The following ARFGEF3 variants were observed in gnomAD, a reference collection of about 807,000 sequenced individuals.
ARFGEF3 encodes the protein ARFGEF family member 3, also known as brefeldin A-inhibited guanine nucleotide-exchange protein 3.
ARFGEF3 carries 96 observed loss-of-function variants against 221.7 expected under a neutral mutation model. The ratio of observed to expected loss-of-function variants is 0.43; its 90% CI spans 0.37 to 0.51. The LOEUF is 0.51. ARFGEF3 is among the 20% of genes least tolerant of loss of function. The pLI, the probability that ARFGEF3 is intolerant of heterozygous loss-of-function variation, is 0.00. For missense variants in ARFGEF3, 2,410 were observed against 2,789.9 expected (o/e 0.86, Z 3.07); for synonymous variants, 1,145 against 1,126.8 (o/e 1.02, Z -0.32).
rs1048736089 is a variant in ARFGEF3 at position 138,172,945 on chromosome 6, G to A, written c.137+2232G>A. Among the ~76,000 whole-genome samples, 3 of 152,092 alleles carry A rather than the reference G, an allele frequency of 2.0e-5. No individual in the cohort carries two copies. In the East Asian group the frequency reaches 5.8e-4, roughly 29 times the overall value. ...ATTGCTTACAATTGAACATTTTAAAGCCTTATGGTTACAGGAAATATTTTA... is the reference window on the plus strand; with the variant it reads ...ATTGCTTACAATTGAACATTTTAAAACCTTATGGTTACAGGAAATATTTTA... On this transcript the variant is annotated intron_variant, in intron 2 of 33. Coordinates refer to ENST00000251691, the MANE Select transcript of ARFGEF3 (RefSeq NM_020340.5).
intron 14 of ARFGEF3, among the ~76,000 whole-genome samples, chr6:138,281,830 A>G (rs1435713164): frequency 6.6e-6 from 1 of 152,236 alleles, no homozygotes; most frequent in East Asian, 1.9e-4. Flanking sequence ...CATAATGCCA[A>G]AGATTGGGGA....
intron 5 of ARFGEF3, among the ~76,000 whole-genome samples, chr6:138,236,652 A>G (rs956106814): frequency 6.6e-6 from 1 of 152,252 alleles, no homozygotes; most frequent in South Asian, 2.1e-4. Context: ...TTTTTTGTAG[A>G]GATGGGGTTT....
chr6:138,292,182 A>C, intron 19 of ARFGEF3, 129 bp downstream of exon 19: 1 of 812,342 alleles, frequency 1.2e-6, no homozygotes, highest in Non-Finnish European at 1.7e-6. Flanking sequence ...CATCTTTTTC[A>C]AGCTTAGTTC....
chr6:138,310,805 T>C (rs985020980), intron 24 of ARFGEF3, among the ~76,000 whole-genome samples: 2 of 152,242 alleles, frequency 1.3e-5, no homozygotes, highest in Non-Finnish European at 2.9e-5. Flanking sequence ...TCTAGATATG[T>C]ACAAAAAATA....
intron 2 of ARFGEF3, among the ~76,000 whole-genome samples, chr6:138,194,989 ATTTTTTT>A (rs747099029): frequency 2.0e-4 from 17 of 84,114 alleles, no homozygotes; most frequent in East Asian, 7.7e-4. Context: ...CTTTTCCCTA[ATTTTTTT>A]TTTTTTTTTT....
intron 25 of ARFGEF3, among the ~76,000 whole-genome samples, chr6:138,312,422 C>T (rs994829090): frequency 6.6e-6 from 1 of 152,126 alleles, no homozygotes; most frequent in African/African-American, 2.4e-5. Flanking sequence ...GCGGCCCTGG[C>T]TTCTCCATCC....
chr6:138,168,538 G>A (rs942789383), intron 1 of ARFGEF3, among the ~76,000 whole-genome samples: 2 of 152,204 alleles, frequency 1.3e-5, no homozygotes, highest in Non-Finnish European at 2.9e-5. Flanking sequence ...GGGTCTCTCA[G>A]GATACTGTGT....
chr6:138,329,126 C>A (rs775428884), intron 32 of ARFGEF3, among the ~76,000 whole-genome samples: 11 of 152,186 alleles, frequency 7.2e-5, no homozygotes, highest in Non-Finnish European at 1.5e-4. Context: ...AGAAACTTGC[C>A]CTTTTTAAAC....
chr6:138,247,696 C>G (rs1424525996), intron 8 of ARFGEF3, among the ~76,000 whole-genome samples: 1 of 152,156 alleles, frequency 6.6e-6, no homozygotes, highest in Admixed American at 6.5e-5. Context: ...TCTGAACCAC[C>G]CTAAGTCTGT....
In ARFGEF3 at chr6:138,239,468, C is replaced by T. The variant is rs779375237; in HGVS notation, c.543+837C>T. ...TTTGAGACCAGCCTGGCCAACATAGCGAAACCCCGTCTCTATTAAAAATCC... is the reference window on the plus strand; with the variant it reads ...TTTGAGACCAGCCTGGCCAACATAGTGAAACCCCGTCTCTATTAAAAATCC... On this transcript the variant is annotated intron_variant, in intron 6 of 33. Coordinates refer to ENST00000251691, the MANE Select transcript of ARFGEF3 (RefSeq NM_020340.5). Among the ~76,000 whole-genome samples, 25 of 151,820 alleles carry T rather than the reference C, an allele frequency of 1.6e-4. 1 individual carries two copies. Among genetic ancestry groups the T allele is most frequent in the South Asian group, 4.2e-4 (2 of 4,812 alleles).
intron 10 of ARFGEF3, among the ~76,000 whole-genome samples, chr6:138,257,602 A>T (rs1277469272): frequency 6.6e-6 from 1 of 152,194 alleles, no homozygotes; most frequent in Admixed American, 6.5e-5. Flanking sequence ...ACCCTGGTCC[A>T]GCTGACCCTA....
chr6:138,190,111 A>G (rs939503573), intron 2 of ARFGEF3, among the ~76,000 whole-genome samples: 6 of 139,378 alleles, frequency 4.3e-5, no homozygotes, highest in African/African-American at 1.3e-4. Flanking sequence ...ATAAAAATAA[A>G]AAGAGTAGCA....
chr6:138,215,397 CT>C (rs960919504), intron 4 of ARFGEF3, among the ~76,000 whole-genome samples: 4 of 152,036 alleles, frequency 2.6e-5, no homozygotes, highest in African/African-American at 9.7e-5. Flanking sequence ...TACTGGGTGT[CT>C]TTTTTATGTG....
chr6:138,208,384 A>C (rs182344859), intron 3 of ARFGEF3, among the ~76,000 whole-genome samples: 1 of 152,138 alleles, frequency 6.6e-6, no homozygotes, highest in African/African-American at 2.4e-5. Flanking sequence ...ATTCTGAAAA[A>C]AAAAATCCTT....
chr6:138,338,394 C>A lies in ARFGEF3; in HGVS notation c.*1908C>A, dbSNP rs2114706303. ...TCTTCTTTGTGAACCTGTGAGTACT[C>A]CACAGTTTACTGGGGGAAAAGGCTT... On this transcript the variant is annotated 3_prime_UTR_variant, in exon 34 of 34. Transcript: ENST00000251691. The A allele has an allele frequency of 6.6e-6, 1 of 152,268 alleles. No individual in the cohort carries two copies. The highest frequency in any genetic ancestry group is 2.1e-4 in the South Asian group (1 of 4,826). 9.4% of individuals were successfully genotyped at this position (152,268 alleles called of 1,614,324 possible).
intron 4 of ARFGEF3, among the ~76,000 whole-genome samples, chr6:138,213,446 C>T (rs953483882): frequency 6.6e-6 from 1 of 151,290 alleles, no homozygotes; most frequent in African/African-American, 2.4e-5. Flanking sequence ...GAGTAAGACC[C>T]TGTCTCAAAA....
intron 14 of ARFGEF3, among the ~76,000 whole-genome samples, 154 bp downstream of exon 14, chr6:138,280,318 C>T (rs1779176312): frequency 6.6e-6 from 1 of 152,190 alleles, no homozygotes; most frequent in African/African-American, 2.4e-5. Context: ...AGGGAAGTGT[C>T]ATGAGTTCAC....
Position 138,313,763 on chromosome 6 carries a change from T to A in ARFGEF3, c.4201-32T>A, listed in dbSNP as rs761367409. The stretch of plus-strand genomic sequence containing the variant: ...CCACAATGCAGCTTTTTCCAACATA[T>A]AATTGCAGTTTGTCTTTTTATTTTA... On this transcript the variant is annotated intron_variant, in intron 25 of 33. Transcript: ENST00000251691. 5 of 1,588,790 alleles carry A rather than the reference T, an allele frequency of 3.1e-6. No individual in the cohort carries two copies. In the South Asian group the frequency reaches 5.6e-5, roughly 18 times the overall value.
In ARFGEF3 at chr6:138,263,055, A is replaced by G. The variant is rs760423333; in HGVS notation, c.1572A>G (p.Thr524=). Residue 524 remains threonine (T), a synonymous_variant, in exon 12 of 34, where the codon ACA becomes ACG. Coordinates refer to ENST00000251691, the MANE Select transcript of ARFGEF3 (RefSeq NM_020340.5). ...TCGAGGGAGAGTTGGGTCAGACTAC[A>G]CCCGAGGACCATTCGGGAAACCACA... is the stretch of plus-strand genomic sequence containing the variant. ...TTLEGELGQT[T]PEDHSGNHKN... The G allele has an allele frequency of 6.2e-7, 1 of 1,612,792 alleles. No individual in the cohort carries two copies. The highest frequency in any genetic ancestry group is 1.1e-5 in the South Asian group (1 of 90,836).
Sources: gnomAD v4.1 joint callset for allele counts (sites outside exome capture counted in the v4.1 genomes callset) on GRCh38, gnomAD v4.1.1 for gene constraint, MANE v1.5 for transcripts, NCBI Gene and HGNC (gene_info 2026-07-23, HGNC 2026-07-21) for gene names.